The following DCHS2 variants were observed in gnomAD, a reference collection of about 807,000 sequenced individuals.
DCHS2 encodes the protein dachsous cadherin-related 2.
A neutral mutation model predicts 182.4 loss-of-function variants in DCHS2; 142 were observed. The observed-to-expected ratio is 0.78, with a 90% CI of 0.68 to 0.89. DCHS2 has a LOEUF of 0.89. Ranked by LOEUF, DCHS2 falls within the 40% of genes least tolerant of loss-of-function variation. The pLI, the probability that DCHS2 is intolerant of heterozygous loss-of-function variation, is 0.00. For synonymous variants in DCHS2, 1,740 were observed against 1,663.3 expected (o/e 1.05, Z -1.12); for missense variants, 4,319 against 4,198.6 (o/e 1.03, Z -0.79).
chr4:154,427,903 T>C (rs191128936), intron 1 of DCHS2, among the ~76,000 whole-genome samples: 2 of 152,238 alleles, frequency 1.3e-5, no homozygotes, highest in Admixed American at 6.5e-5. Flanking sequence ...GTAGAAACAA[T>C]CAACAAAATC....
intron 10 of DCHS2, among the ~76,000 whole-genome samples, chr4:154,312,254 A>G (rs1735697077): frequency 6.6e-6 from 1 of 152,244 alleles, no homozygotes; most frequent in Non-Finnish European, 1.5e-5. Context: ...AATGGCACAA[A>G]GCCAGTAAGA....
At chr4:154,324,400 G>A (rs563633082) in intron 7 of DCHS2, among the ~76,000 whole-genome samples, 26 of 152,192 alleles carry the variant, frequency 1.7e-4, no homozygotes, top group African/African-American at 6.0e-4. Context: ...AAGGACTCCT[G>A]GTTCCTTTGG....
chr4:154,390,502 T>TCA lies in DCHS2; in HGVS notation c.2053-13060_2053-13059dup, dbSNP rs377605285. 4.3e-3 allele frequency among the ~76,000 whole-genome samples: 629 copies of TCA among 147,766 alleles called. 1 individual carries two copies. The highest frequency in any genetic ancestry group is 6.0e-3 in the Non-Finnish European group (400 of 66,482). Reference sequence around the variant, plus strand: ...CCTCACTTTTATATCACTAAGTCATTCACACACACACACACACACCCACAC... The same window carrying TCA: ...CCTCACTTTTATATCACTAAGTCATTCACACACACACACACACACACCCACAC... On this transcript the variant is annotated intron_variant, in intron 1 of 19. Transcript: ENST00000357232.
chr4:154,454,901 G>A (rs1734702077), intron 1 of DCHS2, among the ~76,000 whole-genome samples: 1 of 152,186 alleles, frequency 6.6e-6, no homozygotes, highest in Admixed American at 6.5e-5. Context: ...TTTGAAAAGT[G>A]AAATACAGCT....
intron 1 of DCHS2, among the ~76,000 whole-genome samples, chr4:154,419,589 G>T (rs1048437259): frequency 1.0e-4 from 14 of 136,128 alleles, no homozygotes; most frequent in Admixed American, 6.7e-4. Flanking sequence ...GGCGGAGGTT[G>T]CAGTGAGCCG....
intron 1 of DCHS2, among the ~76,000 whole-genome samples, chr4:154,469,372 T>G (rs1022093065): frequency 1.3e-5 from 2 of 152,174 alleles, no homozygotes; most frequent in Non-Finnish European, 2.9e-5. Context: ...AAATTAGCTT[T>G]GAACTTCCTA....
chr4:154,260,140 A>G (rs1732916002), intron 14 of DCHS2, among the ~76,000 whole-genome samples: 1 of 152,102 alleles, frequency 6.6e-6, no homozygotes, highest in Admixed American at 6.5e-5. Flanking sequence ...TCTTAAAATG[A>G]CTCAAAGCAT....
intron 15 of DCHS2, among the ~76,000 whole-genome samples, chr4:154,257,020 C>A (rs1033720846): frequency 6.6e-6 from 1 of 152,080 alleles, no homozygotes; most frequent in African/African-American, 2.4e-5. Flanking sequence ...GAGGCCAAGG[C>A]GGGTGGATTA....
chr4:154,322,191 T>A, intron 8 of DCHS2, 140 bp downstream of exon 8: 1 of 1,239,352 alleles, frequency 8.1e-7, no homozygotes, highest in Non-Finnish European at 1.1e-6. Context: ...CTATGTGCAA[T>A]GCTCTCAAAA....
At chr4:154,424,655 C>T (rs1218255906) in intron 1 of DCHS2, among the ~76,000 whole-genome samples, 1 of 152,210 alleles carries the variant, frequency 6.6e-6, no homozygotes, top group Non-Finnish European at 1.5e-5. Context: ...AACACTGACA[C>T]TGGAGGTTCT....
At chr4:154,367,107 T>C (rs564860050) in intron 2 of DCHS2, among the ~76,000 whole-genome samples, 1 of 152,204 alleles carries the variant, frequency 6.6e-6, no homozygotes, top group Non-Finnish European at 1.5e-5. Flanking sequence ...TCAGGCCTGC[T>C]CAGCCGCAGC....
At chr4:154,273,077 C>A (rs1733671396) in intron 13 of DCHS2, among the ~76,000 whole-genome samples, 1 of 152,114 alleles carries the variant, frequency 6.6e-6, no homozygotes, top group Non-Finnish European at 1.5e-5. Flanking sequence ...ACCATTTGAT[C>A]CAGCAATCCC....
At chr4:154,343,656 A>T in intron 3 of DCHS2, 1 of 1,461,232 alleles carries the variant, frequency 6.8e-7, no homozygotes, top group South Asian at 1.6e-5. Flanking sequence ...CCTATATTTA[A>T]AAAGAGTTAG....
intron 1 of DCHS2, among the ~76,000 whole-genome samples, chr4:154,431,599 G>A (rs184267269): frequency 2.8e-4 from 42 of 151,756 alleles, no homozygotes; most frequent in Admixed American, 6.6e-4. Flanking sequence ...ATATTTTCTC[G>A]GAATTCTCTA....
intron 9 of DCHS2, among the ~76,000 whole-genome samples, chr4:154,318,853 C>T (rs993795257): frequency 6.6e-5 from 10 of 152,060 alleles, no homozygotes; most frequent in South Asian, 4.2e-4. Flanking sequence ...AAAATAATAT[C>T]GCAATTCAAA....
chr4:154,292,753 A>T (rs1044593859), intron 13 of DCHS2, among the ~76,000 whole-genome samples: 1 of 152,088 alleles, frequency 6.6e-6, no homozygotes, highest in Non-Finnish European at 1.5e-5. Flanking sequence ...TCCCAACTCA[A>T]CCAAGCCCAG....
chr4:154,390,444 G>T (rs1005475902), intron 1 of DCHS2, among the ~76,000 whole-genome samples: 1 of 151,768 alleles, frequency 6.6e-6, no homozygotes, highest in Non-Finnish European at 1.5e-5. Context: ...GGTAGCAACT[G>T]TAAGTAACTG....
At chr4:154,290,764 T>TC (rs1400434146) in intron 13 of DCHS2, among the ~76,000 whole-genome samples, 1 of 152,060 alleles carries the variant, frequency 6.6e-6, no homozygotes, top group African/African-American at 2.4e-5. Flanking sequence ...GACCCCTACC[T>TC]CTCACCACAT....
At chr4:154,248,016 C>A (rs536799026) in intron 16 of DCHS2, among the ~76,000 whole-genome samples, 2 of 152,142 alleles carry the variant, frequency 1.3e-5, no homozygotes, top group South Asian at 4.2e-4. Context: ...GCAGTAGGAA[C>A]CAGGTCTTCA....
Sources: gnomAD v4.1 joint callset for allele counts (sites outside exome capture counted in the v4.1 genomes callset) on GRCh38, gnomAD v4.1.1 for gene constraint, MANE v1.5 for transcripts, NCBI Gene and HGNC (gene_info 2026-07-23, HGNC 2026-07-21) for gene names.